The following TUBGCP5 variants were observed in gnomAD, a reference collection of about 807,000 sequenced individuals.
The protein encoded by TUBGCP5 is gamma-tubulin complex component 5.
In TUBGCP5, 98 loss-of-function variants were observed where a neutral mutation model predicts 134.7. The ratio of observed to expected loss-of-function variants is 0.73; its 90% CI spans 0.62 to 0.86. The LOEUF (loss-of-function observed/expected upper bound fraction) is 0.86. Ranked by LOEUF, TUBGCP5 falls within the 40% of genes least tolerant of loss-of-function variation. TUBGCP5 has a pLI of 0.00. For synonymous variants in TUBGCP5, 456 were observed against 431.4 expected (o/e 1.06, Z -0.71); for missense variants, 1,150 against 1,244.8 (o/e 0.92, Z 1.15).
rs777987204 is a variant in TUBGCP5, at chr15:22,999,856, TAG to T, written c.3037_3038del (p.Leu1013SerfsTer47). 1 of 1,613,794 alleles carries T rather than the reference TAG, an allele frequency of 6.2e-7. No homozygotes were observed. Among genetic ancestry groups the T allele is most frequent in the African/African-American group, 1.3e-5 (1 of 74,916 alleles). On this transcript the variant is annotated frameshift_variant, in exon 23 of 23. Transcript: ENST00000615383. LOFTEE classifies it high-confidence loss of function. ...CCATGCCAGCCATGAGTGACAACGC[TAG>T]AGATTCCACTGTGGGAAGAATAAAA... Reference protein sequence around the residue: ...CRGSFPHLESLALSLMAGMEQ... With the variant: ...CRGSFPHLESXALSLMAGMEQ...
Position 23,011,250 on chromosome 15 carries a change from T to C in TUBGCP5, c.1838A>G (p.Gln613Arg), listed in dbSNP as rs1236031286. The C allele has an allele frequency of 3.1e-6, 5 of 1,613,946 alleles. No homozygotes were observed. Among genetic ancestry groups the C allele is most frequent in the South Asian group, 2.2e-5 (2 of 91,080 alleles). Residue 613 changes from glutamine (Q) to arginine (R), a missense_variant, in exon 14 of 23, where the codon CAG (glutamine) becomes CGG (arginine). Gln to Arg is a conservative substitution (Grantham distance 43). Around this residue, in one of 2 missense-constraint regions of TUBGCP5, gnomAD observed 697 missense variants for 850.1 expected, o/e 0.82. Coordinates refer to ENST00000615383, the MANE Select transcript of TUBGCP5 (RefSeq NM_052903.6). ...RLRHGEDSTP[Q>R]VLTEQQATKE... ...GGTTGCCTGTTGCTCAGTAAGAACC[T>C]GTGGAGTGGAATCTTCTCCATGTCG...
downstream of TUBGCP5, among the ~76,000 whole-genome samples, chr15:22,998,855 G>A (rs1200198538): frequency 2.6e-5 from 4 of 152,152 alleles, no homozygotes; most frequent in Non-Finnish European, 5.9e-5. Flanking sequence ...GACCTCAGAT[G>A]ATCCGCCCAC....
At chr15:22,990,497 T>C (rs1183646188) in intron 23 of TUBGCP5, among the ~76,000 whole-genome samples, 1 of 151,838 alleles carries the variant, frequency 6.6e-6, no homozygotes, top group East Asian at 1.9e-4. Context: ...AAGTAACAGG[T>C]AGAAAAACAA....
chr15:23,008,249 A>G (rs917727485), intron 16 of TUBGCP5, among the ~76,000 whole-genome samples: 11 of 152,004 alleles, frequency 7.2e-5, no homozygotes, highest in African/African-American at 2.2e-4. Flanking sequence ...GGAGAGTCAC[A>G]TAGCTAGCCT....
At position 23,005,613 on chromosome 15, in the gene TUBGCP5, A is replaced by G. The variant is rs2064661385; in HGVS notation, c.2534-3T>C. 3.1e-6 allele frequency: 5 copies of G among 1,610,344 alleles called. No homozygotes were observed. In the Admixed American group the frequency reaches 6.7e-5, roughly 22 times the overall value. On this transcript the variant is annotated splice_region_variant and splice_polypyrimidine_tract_variant and intron_variant, in intron 18 of 22. Coordinates refer to ENST00000615383, the MANE Select transcript of TUBGCP5 (RefSeq NM_052903.6). ...TTTTTCTGCAGTACTAACCAGTTCT[A>G]TAAAACATTGGAAGAGCAAAGTGGA... is the stretch of plus-strand genomic sequence containing the variant.
At position 23,019,200 on chromosome 15, in the gene TUBGCP5, G is replaced by A; in HGVS notation, c.1487+19C>T. ...GGTGATGCCAGCCCCCAGTGACCTT[G>A]TGCTCTGCTGCAGCTCACCTCTGGA... On this transcript the variant is annotated intron_variant, in intron 12 of 22. Transcript: ENST00000615383. The A allele has an allele frequency of 6.3e-7, 1 of 1,580,346 alleles. No individual in the cohort carries two copies. The highest frequency in any genetic ancestry group is 1.1e-5 in the South Asian group (1 of 89,606).
chr15:23,000,357 G>T (rs1401925516), intron 22 of TUBGCP5: 8 of 1,292,296 alleles, frequency 6.2e-6, no homozygotes, highest in Non-Finnish European at 7.8e-6. Flanking sequence ...GTAATAAATG[G>T]TATACCAGAA....
At chr15:23,034,574 A>C (rs754004574) in intron 3 of TUBGCP5, among the ~76,000 whole-genome samples, 1 of 152,150 alleles carries the variant, frequency 6.6e-6, no homozygotes, top group South Asian at 2.1e-4. Flanking sequence ...AAATATATCA[A>C]CAGAGCAGGC....
chr15:23,004,347 T>A, intron 19 of TUBGCP5, 120 bp from the exon 20 acceptor site: 1 of 1,180,742 alleles, frequency 8.5e-7, no homozygotes. Context: ...AATAAGCACA[T>A]CTAGACAGTT....
At chr15:23,036,283 G>C (rs1316395709) in intron 3 of TUBGCP5, among the ~76,000 whole-genome samples, 1 of 152,096 alleles carries the variant, frequency 6.6e-6, no homozygotes, top group Non-Finnish European at 1.5e-5. Context: ...GTAATACTTT[G>C]CACATGTTGT....
intron 16 of TUBGCP5, 149 bp downstream of exon 16, chr15:23,008,550 G>T: frequency 9.8e-7 from 1 of 1,020,988 alleles, no homozygotes; most frequent in Non-Finnish European, 1.5e-6. Context: ...GAGCCACCGT[G>T]CCTGGCCTCC....
chr15:23,005,451 T>C lies in TUBGCP5; in HGVS notation c.2693A>G (p.His898Arg). Reference sequence around the variant, plus strand: ...ACAAACCCTGGTCATGATGTAGTTGTGCAAGCTGTTCACGAAATGCATGAG... The same window carrying C: ...ACAAACCCTGGTCATGATGTAGTTGCGCAAGCTGTTCACGAAATGCATGAG... ...VKLMHFVNSL[H>R]NYIMTRILHS... Residue 898 changes from histidine to arginine, a missense_variant, in exon 19 of 23, where the codon CAC (histidine) becomes CGC (arginine). This residue lies in a region of TUBGCP5 where 697 missense variants were observed against 850.1 expected (regional missense o/e 0.82). Transcript: ENST00000615383. 1 of 1,614,114 alleles carries C rather than the reference T, an allele frequency of 6.2e-7. No individual in the cohort carries two copies. Among genetic ancestry groups the C allele is most frequent in the Non-Finnish European group, 8.5e-7 (1 of 1,179,998 alleles).
At chr15:22,985,659 A>G (rs1262559449) in intron 23 of TUBGCP5, among the ~76,000 whole-genome samples, 1 of 152,112 alleles carries the variant, frequency 6.6e-6, no homozygotes, top group Admixed American at 6.6e-5. Flanking sequence ...GAACAAATCA[A>G]AAGGATTTGT....
chr15:23,037,410 T>G (rs1184902569), intron 1 of TUBGCP5, among the ~76,000 whole-genome samples: 1 of 152,152 alleles, frequency 6.6e-6, no homozygotes, highest in Non-Finnish European at 1.5e-5. Flanking sequence ...TGTCTTCCCA[T>G]AAGCCCCTGT....
At chr15:23,030,600 T>TAAAAAAAAAAAAAAAAAAAAAAAAAAAAA (rs1567162272) in intron 6 of TUBGCP5, among the ~76,000 whole-genome samples, 2 of 118,768 alleles carry the variant, frequency 1.7e-5, no homozygotes, top group Non-Finnish European at 1.7e-5. Flanking sequence ...CCTTCTCCAA[T>TAAAAAAAAAAAAAAAAAAAAAAAAAAAAA]TAAAAAAAAA....
At chr15:23,010,745 G>A (rs891649200) in intron 14 of TUBGCP5, among the ~76,000 whole-genome samples, 4 of 152,100 alleles carry the variant, frequency 2.6e-5, no homozygotes, top group Admixed American at 6.6e-5. Flanking sequence ...TTGGGAGGCC[G>A]AGGTGGGCAG....
chr15:22,984,441 G>A (rs1218139992), intron 23 of TUBGCP5, among the ~76,000 whole-genome samples: 3 of 151,992 alleles, frequency 2.0e-5, no homozygotes, highest in Admixed American at 6.6e-5. Flanking sequence ...CCAACGTGGC[G>A]AAACCCTGTC....
chr15:23,021,120 GT>G, intron 11 of TUBGCP5, among the ~76,000 whole-genome samples: 1 of 152,016 alleles, frequency 6.6e-6, no homozygotes, highest in Admixed American at 6.6e-5. Context: ...AATTCCTGGT[GT>G]CAGCACACCT....
At chr15:22,997,391 G>T (rs1033304633), downstream of TUBGCP5, among the ~76,000 whole-genome samples, 2 of 151,602 alleles carry the variant, frequency 1.3e-5, no homozygotes, top group Non-Finnish European at 2.9e-5. Flanking sequence ...TATTGGTCAG[G>T]CTGGTCTGGA....
Sources: allele counts gnomAD v4.1 joint callset (sites outside exome capture counted in the v4.1 genomes callset), GRCh38; gene constraint gnomAD v4.1.1; regional missense constraint gnomAD v4.1.1; transcripts MANE v1.5; gene names NCBI Gene and HGNC (gene_info 2026-07-23, HGNC 2026-07-21).